The following CHD2 variants were observed in gnomAD, a reference collection of about 807,000 sequenced individuals.
The protein encoded by CHD2 is ATP-dependent chromatin remodeler CHD2.
A neutral mutation model predicts 243.9 loss-of-function variants in CHD2; 28 were observed. That is an observed-to-expected ratio of 0.11 (90% CI 0.09 to 0.16). CHD2 has a LOEUF of 0.16. CHD2 is among the 10% of genes least tolerant of loss of function. CHD2 has a pLI of 1.00. For missense variants in CHD2, 1,386 were observed against 2,209.8 expected (o/e 0.63, Z 7.47); for synonymous variants, 775 against 779.0 (o/e 0.99, Z 0.09).
intron 2 of CHD2, among the ~76,000 whole-genome samples, chr15:92,918,806 CACAT>C (rs1431935789): frequency 2.0e-5 from 3 of 151,230 alleles, no homozygotes; most frequent in Admixed American, 6.6e-5. Flanking sequence ...TATATATACA[CACAT>C]ATATACACAT....
chr15:92,907,373 A>T (rs1253195434), intron 2 of CHD2, among the ~76,000 whole-genome samples: 1 of 152,204 alleles, frequency 6.6e-6, no homozygotes, highest in Non-Finnish European at 1.5e-5. Flanking sequence ...AGTTCTCATT[A>T]CTGAGTCCCT....
intron 15 of CHD2, among the ~76,000 whole-genome samples, chr15:92,956,025 G>A (rs1220043017): frequency 2.0e-5 from 3 of 152,188 alleles, no homozygotes; most frequent in African/African-American, 7.2e-5. Context: ...AATATATGTG[G>A]TAGGTAGATC....
At chr15:92,934,288 A>G (rs992775269) in intron 5 of CHD2, among the ~76,000 whole-genome samples, 1 of 152,200 alleles carries the variant, frequency 6.6e-6, no homozygotes, top group Non-Finnish European at 1.5e-5. Context: ...AACTATACAC[A>G]TTTAAATTGC....
intron 7 of CHD2, among the ~76,000 whole-genome samples, chr15:92,940,174 CCAGGCTCAGTGGCT>C (rs1468534743): frequency 1.3e-5 from 2 of 152,146 alleles, no homozygotes; most frequent in African/African-American, 2.4e-5. Flanking sequence ...GTGAAATAGG[CCAGGCTCAGTGGCT>C]CATGCCTGTA....
intron 13 of CHD2, among the ~76,000 whole-genome samples, chr15:92,951,314 G>A (rs372972654): frequency 3.3e-5 from 5 of 152,118 alleles, no homozygotes; most frequent in Admixed American, 6.5e-5. Context: ...GGGATTACAC[G>A]CACGCACCAC....
At chr15:93,022,373 C>T (rs1054763377) in intron 38 of CHD2, among the ~76,000 whole-genome samples, 3 of 152,190 alleles carry the variant, frequency 2.0e-5, no homozygotes, top group African/African-American at 7.2e-5. Context: ...ATCACAAGGA[C>T]AGCACCAAGC....
intron 2 of CHD2, among the ~76,000 whole-genome samples, chr15:92,923,844 A>G (rs985497868): frequency 1.3e-5 from 2 of 152,008 alleles, no homozygotes; most frequent in Admixed American, 6.6e-5. Flanking sequence ...GATTACAGGC[A>G]TGAGCCACCG....
At chr15:93,000,345 T>C (rs781676706) in intron 31 of CHD2, among the ~76,000 whole-genome samples, 167 bp from the exon 32 acceptor site, 4 of 152,182 alleles carry the variant, frequency 2.6e-5, no homozygotes, top group African/African-American at 4.8e-5. Flanking sequence ...TTTATTTGTT[T>C]TGGTTTGGTC....
chr15:92,905,543 AAGG>A (rs2052604892), intron 2 of CHD2, among the ~76,000 whole-genome samples: 1 of 152,180 alleles, frequency 6.6e-6, no homozygotes, highest in African/African-American at 2.4e-5. Flanking sequence ...TGTTACTTCA[AAGG>A]AGATGTTGAC....
In CHD2 at chr15:92,977,426, A is replaced by G. The variant is rs143722978; in HGVS notation, c.2578-808A>G. On this transcript the variant is annotated intron_variant, in intron 20 of 38. Coordinates refer to ENST00000394196, the MANE Select transcript of CHD2 (RefSeq NM_001271.4). Reference sequence around the variant, plus strand: ...GGAACTCAGGACTACCAGTTTTTCAATGCTGCTTCTCTCTGCTACAAAGGC... The same window carrying G: ...GGAACTCAGGACTACCAGTTTTTCAGTGCTGCTTCTCTCTGCTACAAAGGC... Among the ~76,000 whole-genome samples, 41 of 152,310 alleles carry G rather than the reference A, an allele frequency of 2.7e-4. 1 individual carries two copies. Among genetic ancestry groups the G allele is most frequent in the Admixed American group, 3.3e-4 (5 of 15,296 alleles).
rs1596392716 is a variant in CHD2 at position 92,939,828 on chromosome 15, C to G, written c.692+110C>G. Reference sequence around the variant, plus strand: ...GCACTTAATAGATAAAAATAACAGCCTATGTCCTGAAGTTGTTTTCAGAAA... The same window carrying G: ...GCACTTAATAGATAAAAATAACAGCGTATGTCCTGAAGTTGTTTTCAGAAA... On this transcript the variant is annotated intron_variant, in intron 7 of 38. Transcript: ENST00000394196. 4 of 1,172,840 alleles carry G rather than the reference C, an allele frequency of 3.4e-6. No individual in the cohort carries two copies. The East Asian group carries it at 9.8e-5, about 29-fold the overall frequency. The allele number at this position is 1,172,840 out of a possible 1,614,324, so 72.7% of individuals were successfully genotyped here.
intron 37 of CHD2, among the ~76,000 whole-genome samples, chr15:93,016,675 G>C (rs2054464679): frequency 6.6e-6 from 1 of 151,764 alleles, no homozygotes; most frequent in Non-Finnish European, 1.5e-5. Context: ...CCAGCTACTT[G>C]GGAGGCTGAG....
intron 37 of CHD2, among the ~76,000 whole-genome samples, chr15:93,019,707 G>A (rs1480086420): frequency 1.3e-5 from 2 of 152,146 alleles, no homozygotes; most frequent in Non-Finnish European, 1.5e-5. Flanking sequence ...GCTGAGGCGG[G>A]CGGATCACCT....
At chr15:92,920,194 AG>A (rs1366251974) in intron 2 of CHD2, among the ~76,000 whole-genome samples, 1 of 152,092 alleles carries the variant, frequency 6.6e-6, no homozygotes, top group Non-Finnish European at 1.5e-5. Context: ...TTACATTTCT[AG>A]GAATCACTCT....
chr15:93,004,528 A>G, intron 33 of CHD2, 89 bp from the exon 34 acceptor site: 3 of 1,270,848 alleles, frequency 2.4e-6, no homozygotes, highest in Non-Finnish European at 3.2e-6. Flanking sequence ...ATATTTACCC[A>G]TTTTAATAAC....
intron 2 of CHD2, among the ~76,000 whole-genome samples, chr15:92,918,697 A>G (rs1363121532): frequency 2.0e-5 from 3 of 152,022 alleles, no homozygotes; most frequent in African/African-American, 7.2e-5. Flanking sequence ...TATTATAATT[A>G]TTAGGTATTA....
At chr15:92,962,334 C>T (rs1310884634) in intron 16 of CHD2, among the ~76,000 whole-genome samples, 2 of 152,034 alleles carry the variant, frequency 1.3e-5, no homozygotes, top group African/African-American at 4.8e-5. Context: ...CTTCTATGCA[C>T]TGCTTTAGCT....
intron 37 of CHD2, among the ~76,000 whole-genome samples, chr15:93,019,798 G>A (rs897265835): frequency 1.3e-5 from 2 of 152,128 alleles, no homozygotes; most frequent in Non-Finnish European, 2.9e-5. Flanking sequence ...GGCAGGCATG[G>A]TGGCGGGTGC....
At position 92,979,176 on chromosome 15, in the gene CHD2, G is replaced by A. The variant is rs755268343; in HGVS notation, c.2769G>A (p.Glu923=). The A allele has an allele frequency of 1.1e-5, 17 of 1,613,898 alleles. No individual in the cohort carries two copies. The highest frequency in any genetic ancestry group is 2.7e-5 in the African/African-American group (2 of 74,852). ...TAGTTACAAAGGGGACTGTGGAGGA[G>A]GAGATCATAGAACGGGCCAAAAAGA... ...YRLVTKGTVE[E]EIIERAKKKM... The change falls in exon 22 of 39, where the codon GAG becomes GAA. Residue 923 remains glutamate, a synonymous_variant. Coordinates refer to ENST00000394196, the MANE Select transcript of CHD2 (RefSeq NM_001271.4).
Sources: gnomAD v4.1 joint callset for allele counts (sites outside exome capture counted in the v4.1 genomes callset) on GRCh38, gnomAD v4.1.1 for gene constraint, MANE v1.5 for transcripts, NCBI Gene and HGNC (gene_info 2026-07-23, HGNC 2026-07-21) for gene names.